Variants in PPP1R9A observed in about 807,000 individuals in gnomAD.
The protein encoded by PPP1R9A is protein phosphatase 1 regulatory subunit 9A, also known as neurabin-1.
PPP1R9A carries 59 observed loss-of-function variants against 141.9 expected under a neutral mutation model. The observed-to-expected ratio is 0.42, with a 90% CI of 0.34 to 0.52. The LOEUF is 0.52. PPP1R9A is among the 20% of genes least tolerant of loss of function. PPP1R9A has a pLI of 0.10. For missense variants in PPP1R9A, 1,444 were observed against 1,611.9 expected, an observed-to-expected ratio of 0.90 and a Z score of 1.78; for synonymous variants, 500 against 569.7, an observed-to-expected ratio of 0.88 and a Z score of 1.74.
At chr7:95,217,227 A>C (rs1457464570) in intron 7 of PPP1R9A, among the ~76,000 whole-genome samples, 1 of 152,132 alleles carries the variant, frequency 6.6e-6, no homozygotes, top group African/African-American at 2.4e-5. Context: ...TGAGATAATC[A>C]TGTGGTTTTT....
At chr7:95,183,610 A>T (rs1158082906) in intron 5 of PPP1R9A, among the ~76,000 whole-genome samples, 1 of 150,550 alleles carries the variant, frequency 6.6e-6, no homozygotes, top group Non-Finnish European at 1.5e-5. Flanking sequence ...ACCACCACAC[A>T]TGGCTTTTTT....
chr7:94,985,788 C>T (rs1181342090), intron 2 of PPP1R9A, among the ~76,000 whole-genome samples: 1 of 152,000 alleles, frequency 6.6e-6, no homozygotes, highest in Non-Finnish European at 1.5e-5. Flanking sequence ...CCCAATTCTT[C>T]TCTATTACTC....
chr7:95,095,358 T>C (rs1469868928), intron 2 of PPP1R9A, among the ~76,000 whole-genome samples: 1 of 152,210 alleles, frequency 6.6e-6, no homozygotes, highest in Non-Finnish European at 1.5e-5. Context: ...AAAGTTAGTG[T>C]GATTCAAGGT....
intron 4 of PPP1R9A, among the ~76,000 whole-genome samples, chr7:95,140,216 G>A (rs1178514416): frequency 1.3e-5 from 2 of 152,146 alleles, no homozygotes; most frequent in East Asian, 3.9e-4. Flanking sequence ...AAATTTCTGG[G>A]AAGAATGACT....
intron 12 of PPP1R9A, among the ~76,000 whole-genome samples, chr7:95,256,587 G>C (rs1003442155): frequency 6.6e-6 from 1 of 152,074 alleles, no homozygotes; most frequent in Non-Finnish European, 1.5e-5. Flanking sequence ...TCATCACTAA[G>C]TGTATTACTA....
intron 2 of PPP1R9A, among the ~76,000 whole-genome samples, chr7:94,968,195 C>T (rs1337007269): frequency 1.3e-5 from 2 of 151,432 alleles, no homozygotes; most frequent in Non-Finnish European, 2.9e-5. Context: ...TTTTTTGAGA[C>T]GGAGTCTCGC....
At chr7:95,256,731 A>G (rs140696616) in intron 12 of PPP1R9A, among the ~76,000 whole-genome samples, 2 of 152,068 alleles carry the variant, frequency 1.3e-5, no homozygotes, top group African/African-American at 4.8e-5. Context: ...ACATTAAAAA[A>G]CTCGAGTCTT....
chr7:95,253,838 T>A (rs747130368), intron 12 of PPP1R9A, among the ~76,000 whole-genome samples: 8 of 151,966 alleles, frequency 5.3e-5, no homozygotes, highest in Admixed American at 2.6e-4. Context: ...TTTTAATTTT[T>A]AAAAAATTAT....
intron 2 of PPP1R9A, among the ~76,000 whole-genome samples, chr7:94,938,922 C>T (rs1173296901): frequency 3.9e-5 from 6 of 152,146 alleles, no homozygotes; most frequent in African/African-American, 9.7e-5. Context: ...GATGTGGATA[C>T]GCTATTCCTG....
chr7:95,145,147 C>T (rs189586874), intron 4 of PPP1R9A, among the ~76,000 whole-genome samples: 210 of 152,194 alleles, frequency 1.4e-3, no homozygotes, highest in Non-Finnish European at 2.6e-3. Context: ...TAGAAATGTC[C>T]GTACTAGCTA....
chr7:95,283,502 G>T (rs1456837275), intron 16 of PPP1R9A, among the ~76,000 whole-genome samples: 5 of 152,164 alleles, frequency 3.3e-5, no homozygotes, highest in Non-Finnish European at 5.9e-5. Context: ...TAAGATTCTG[G>T]TGAAAAACCA....
At chr7:95,217,068 A>G (rs184108719) in intron 7 of PPP1R9A, among the ~76,000 whole-genome samples, 230 of 152,260 alleles carry the variant, frequency 1.5e-3, no homozygotes, top group Middle Eastern at 6.8e-3. Context: ...GAAGGCTTCC[A>G]GTTTTGGGCC....
intron 2 of PPP1R9A, among the ~76,000 whole-genome samples, chr7:95,001,295 A>T (rs1802885349): frequency 6.6e-6 from 1 of 151,816 alleles, no homozygotes; most frequent in Admixed American, 6.6e-5. Flanking sequence ...AAAACATACA[A>T]ACAAACAAAC....
intron 12 of PPP1R9A, among the ~76,000 whole-genome samples, chr7:95,253,009 A>G (rs2153011101): frequency 6.6e-6 from 1 of 152,288 alleles, no homozygotes; most frequent in Middle Eastern, 3.4e-3. Context: ...CCATAAATAA[A>G]TTACTTATGT....
chr7:95,059,178 C>T (rs1301642317), intron 2 of PPP1R9A, among the ~76,000 whole-genome samples: 1 of 151,958 alleles, frequency 6.6e-6, no homozygotes, highest in African/African-American at 2.4e-5. Flanking sequence ...AACTATTTTT[C>T]ACTATTTTAT....
intron 4 of PPP1R9A, among the ~76,000 whole-genome samples, chr7:95,122,303 C>T (rs1431318697): frequency 6.6e-5 from 10 of 152,034 alleles, no homozygotes; most frequent in South Asian, 2.1e-4. Context: ...TGGACCACCA[C>T]GCCCAGCTAA....
intron 12 of PPP1R9A, among the ~76,000 whole-genome samples, chr7:95,267,151 A>C (rs1669160381): frequency 6.6e-6 from 1 of 152,098 alleles, no homozygotes; most frequent in Non-Finnish European, 1.5e-5. Flanking sequence ...CCATATACTA[A>C]GTGCTAGGTT....
At chr7:95,059,629 T>C (rs556039011) in intron 2 of PPP1R9A, among the ~76,000 whole-genome samples, 16 of 152,338 alleles carry the variant, frequency 1.1e-4, no homozygotes, top group African/African-American at 3.6e-4. Flanking sequence ...TCTGTATCTG[T>C]TATTTCTAGA....
intron 1 of PPP1R9A, among the ~76,000 whole-genome samples, chr7:94,909,550 G>A (rs747587479): frequency 2.6e-5 from 4 of 152,122 alleles, no homozygotes; most frequent in African/African-American, 9.7e-5. Context: ...TCGATGAACT[G>A]CTGGTTTCTT....
Sources: gnomAD v4.1 joint callset for allele counts (sites outside exome capture counted in the v4.1 genomes callset) on GRCh38, gnomAD v4.1.1 for gene constraint, MANE v1.5 for transcripts, NCBI Gene and HGNC (gene_info 2026-07-23, HGNC 2026-07-21) for gene names.